Variants in RALGPS2 observed in about 807,000 individuals in gnomAD.
RALGPS2 encodes the protein Ral GEF with PH domain and SH3 binding motif 2.
In RALGPS2, 43 loss-of-function variants were observed where a neutral mutation model predicts 86.8. The observed-to-expected ratio is 0.50, with a 90% CI of 0.39 to 0.64. The LOEUF (loss-of-function observed/expected upper bound fraction) is 0.64. RALGPS2 is among the 30% of genes least tolerant of loss of function. The pLI is 0.00. For synonymous variants in RALGPS2, 243 were observed against 231.3 expected, an observed-to-expected ratio of 1.05 and a Z score of -0.46; for missense variants, 536 against 694.6, an observed-to-expected ratio of 0.77 and a Z score of 2.57.
chr1:178,849,010 A>G (rs1026694275), intron 8 of RALGPS2, among the ~76,000 whole-genome samples: 1 of 152,210 alleles, frequency 6.6e-6, no homozygotes, highest in African/African-American at 2.4e-5. Context: ...AAGTACGTAG[A>G]TGAGTAGTAA....
At chr1:178,858,551 G>A (rs535170269) in intron 8 of RALGPS2, among the ~76,000 whole-genome samples, 1 of 152,064 alleles carries the variant, frequency 6.6e-6, no homozygotes, top group East Asian at 1.9e-4. Context: ...ACTATTTTTT[G>A]CAAGAGTCTT....
chr1:178,743,193 G>A (rs1377996990), intron 1 of RALGPS2, among the ~76,000 whole-genome samples: 1 of 152,186 alleles, frequency 6.6e-6, no homozygotes, highest in African/African-American at 2.4e-5. Context: ...GCAACAGAGT[G>A]AGACCCTGTC....
intron 7 of RALGPS2, among the ~76,000 whole-genome samples, 161 bp from the exon 8 acceptor site, chr1:178,833,261 CAA>C (rs1656112651): frequency 6.6e-6 from 1 of 151,904 alleles, no homozygotes; most frequent in Non-Finnish European, 1.5e-5. Flanking sequence ...TATTAATAGA[CAA>C]ATCTGATTTT....
chr1:178,839,776 C>T (rs1034802705), intron 8 of RALGPS2, among the ~76,000 whole-genome samples: 1 of 152,154 alleles, frequency 6.6e-6, no homozygotes, highest in Non-Finnish European at 1.5e-5. Flanking sequence ...ATCTCATGTG[C>T]AGGGACACAC....
At chr1:178,833,303 TAAAG>T in intron 7 of RALGPS2, 117 bp from the exon 8 acceptor site, 1 of 942,680 alleles carries the variant, frequency 1.1e-6, no homozygotes, top group Non-Finnish European at 1.4e-6. Context: ...AAGATATAAT[TAAAG>T]AAGATATAAC....
At chr1:178,761,293 A>G (rs1191735304) in intron 1 of RALGPS2, among the ~76,000 whole-genome samples, 2 of 151,970 alleles carry the variant, frequency 1.3e-5, no homozygotes, top group African/African-American at 4.8e-5. Context: ...GTTCATTTTA[A>G]AAAATTCTTT....
chr1:178,826,403 T>C (rs1349333656), intron 7 of RALGPS2, among the ~76,000 whole-genome samples: 1 of 152,186 alleles, frequency 6.6e-6, no homozygotes, highest in Admixed American at 6.5e-5. Context: ...TGCTGCACCA[T>C]GAATAAACCT....
chr1:178,875,132 A>G (rs1658943418), intron 8 of RALGPS2, among the ~76,000 whole-genome samples: 2 of 152,216 alleles, frequency 1.3e-5, no homozygotes, highest in Admixed American at 1.3e-4. Flanking sequence ...ATTCTTTGGC[A>G]TGTTTATGGA....
At chr1:178,756,072 T>G (rs1651943711) in intron 1 of RALGPS2, among the ~76,000 whole-genome samples, 1 of 152,208 alleles carries the variant, frequency 6.6e-6, no homozygotes, top group Non-Finnish European at 1.5e-5. Flanking sequence ...GTATTAGACC[T>G]TTGTCAGATG....
chr1:178,756,070 C>G (rs1391734311), intron 1 of RALGPS2, among the ~76,000 whole-genome samples: 1 of 152,080 alleles, frequency 6.6e-6, no homozygotes, highest in African/African-American at 2.4e-5. Context: ...GGGTATTAGA[C>G]CTTTGTCAGA....
chr1:178,784,878 GA>G (rs1462515164), intron 3 of RALGPS2, among the ~76,000 whole-genome samples: 1 of 151,780 alleles, frequency 6.6e-6, no homozygotes, highest in Non-Finnish European at 1.5e-5. Context: ...TTAAAAAATT[GA>G]AAAATGAAAT....
chr1:178,884,514 A>G (rs1659393757), intron 11 of RALGPS2, among the ~76,000 whole-genome samples: 1 of 152,210 alleles, frequency 6.6e-6, no homozygotes, highest in Non-Finnish European at 1.5e-5. Flanking sequence ...TATGGGGAAG[A>G]ATATTCCAAG....
rs551509784 is a variant in RALGPS2 at position 178,875,516 on chromosome 1, G to A, written c.608-1982G>A. Among the ~76,000 whole-genome samples, 5 of 152,236 alleles carry A rather than the reference G, an allele frequency of 3.3e-5. No individual in the cohort carries two copies. The South Asian group carries it at 1.0e-3, about 32-fold the overall frequency. ...TAATCCTAGCACTTTGGGAGGCTGA[G>A]GCGGGTGGATCACTTGAGACCAGGA... On this transcript the variant is annotated intron_variant, in intron 8 of 19. Coordinates refer to ENST00000367635, the MANE Select transcript of RALGPS2 (RefSeq NM_152663.5).
chr1:178,840,764 T>TAA (rs768101655), intron 8 of RALGPS2, among the ~76,000 whole-genome samples: 3 of 150,950 alleles, frequency 2.0e-5, no homozygotes, highest in Non-Finnish European at 4.4e-5. Context: ...ACTATATATA[T>TAA]AATAAAGAAA....
intron 1 of RALGPS2, among the ~76,000 whole-genome samples, chr1:178,764,034 C>T (rs1320875959): frequency 6.6e-6 from 1 of 151,908 alleles, no homozygotes; most frequent in Non-Finnish European, 1.5e-5. Flanking sequence ...GAGTTCAGGT[C>T]CTGAATGATC....
Position 178,808,271 on chromosome 1 carries a change from CT to C in RALGPS2, c.297+150del, listed in dbSNP as rs939205822. 28 of 634,188 alleles carry C rather than the reference CT, an allele frequency of 4.4e-5. 1 individual carries two copies. Among genetic ancestry groups the C allele is most frequent in the Middle Eastern group, 4.4e-4 (1 of 2,292 alleles). 39.3% of individuals were successfully genotyped at this position (634,188 alleles called of 1,614,324 possible). A position where few individuals can be genotyped will look rare whatever the true frequency, so the allele number is the denominator to read the frequency against. On this transcript the variant is annotated intron_variant, in intron 5 of 19. Transcript: ENST00000367635. ...CAAGTATTGTCTCTGTGCATGATCT[CT>C]TTTTTTCTCTGTAACTCCTATTGAA...
Position 178,862,634 on chromosome 1 carries a change from G to T in RALGPS2, c.608-14864G>T, listed in dbSNP as rs540565738. ...ATTTATTTATTTATTTATTTATTTGGTTGGTTGGTTGGTTGGTTTGGCTTG... is the reference window on the plus strand; with the variant it reads ...ATTTATTTATTTATTTATTTATTTGTTTGGTTGGTTGGTTGGTTTGGCTTG... On this transcript the variant is annotated intron_variant, in intron 8 of 19. Coordinates refer to ENST00000367635, the MANE Select transcript of RALGPS2 (RefSeq NM_152663.5). 7.5e-3 allele frequency among the ~76,000 whole-genome samples: 937 copies of T among 125,708 alleles called. 8 individuals are homozygous for T. The highest frequency in any genetic ancestry group is 0.027 in the African/African-American group (861 of 31,876). The allele number at this position is 125,708 out of a possible 152,430, so 82.5% of individuals were successfully genotyped here. A position where few individuals can be genotyped will look rare whatever the true frequency, so the allele number is the denominator to read the frequency against.
chr1:178,882,857 T>C (rs560586835), intron 10 of RALGPS2, among the ~76,000 whole-genome samples: 21 of 152,322 alleles, frequency 1.4e-4, no homozygotes, highest in African/African-American at 5.1e-4. Flanking sequence ...TTTGTATAGA[T>C]CTTTCTGCTG....
At chr1:178,879,955 T>G (rs528678657) in intron 10 of RALGPS2, among the ~76,000 whole-genome samples, 13 of 151,980 alleles carry the variant, frequency 8.6e-5, no homozygotes, top group Middle Eastern at 6.8e-3. Flanking sequence ...ACTGCTGGGT[T>G]TTTTTTTAAG....
Sources: allele counts gnomAD v4.1 joint callset (sites outside exome capture counted in the v4.1 genomes callset), GRCh38; gene constraint gnomAD v4.1.1; transcripts MANE v1.5; gene names NCBI Gene and HGNC (gene_info 2026-07-23, HGNC 2026-07-21).